Variants in PCCA observed in about 807,000 individuals in gnomAD.
PCCA encodes the protein propionyl-CoA carboxylase alpha chain, mitochondrial.
A neutral mutation model predicts 101.3 loss-of-function variants in PCCA; 74 were observed. That is an observed-to-expected ratio of 0.73 (90% confidence interval 0.61 to 0.89). The LOEUF (loss-of-function observed/expected upper bound fraction) is 0.89, where lower values mean the gene tolerates loss of function less well. Among genes scored for constraint, PCCA ranks in the 40% least tolerant of loss-of-function variants. The pLI is 0.00. For synonymous variants in PCCA, 294 were observed against 313.6 expected, an observed-to-expected ratio of 0.94 and a Z score of 0.66; for missense variants, 891 against 907.0, an observed-to-expected ratio of 0.98 and a Z score of 0.23.
intron 4 of PCCA, among the ~76,000 whole-genome samples, chr13:100,113,580 CTTTT>C (rs142922710): frequency 5.9e-5 from 8 of 134,654 alleles, no homozygotes; most frequent in Admixed American, 7.5e-5. Context: ...TTGACTCTTT[CTTTT>C]TTTTTTTTTT....
rs1164960900 is a variant in PCCA, at chr13:100,273,207, A to T, written c.926A>T (p.Asp309Val). The T allele has an allele frequency of 6.2e-7, 1 of 1,613,068 alleles. No homozygotes were observed. Among genetic ancestry groups the T allele is most frequent in the Non-Finnish European group, 8.5e-7 (1 of 1,179,158 alleles). ...TTTTGTATATGTAGCATTTTTTTGG[A>T]TGCGGAGACTCGAAGAGCGATGGGA... Reference protein sequence around the residue: ...VVEEAPSIFLDAETRRAMGEQ... With the variant: ...VVEEAPSIFLVAETRRAMGEQ... Residue 309 changes from aspartate (D) to valine (V), a missense_variant, in exon 12 of 24, where the codon GAT (aspartate) becomes GTT (valine). Coordinates refer to ENST00000376285, the MANE Select transcript of PCCA (RefSeq NM_000282.4).
chr13:100,441,393 T>A (rs1372425947), intron 20 of PCCA, among the ~76,000 whole-genome samples: 2 of 152,208 alleles, frequency 1.3e-5, no homozygotes, highest in Non-Finnish European at 2.9e-5. Context: ...TTCAGTGACA[T>A]TATTTTTAAA....
At chr13:100,280,436 T>C (rs932113067) in intron 12 of PCCA, among the ~76,000 whole-genome samples, 1 of 152,110 alleles carries the variant, frequency 6.6e-6, no homozygotes, top group Non-Finnish European at 1.5e-5. Flanking sequence ...TTGTGCCTTG[T>C]ATCATGCCAC....
chr13:100,312,333 C>G (rs772903351), intron 16 of PCCA, among the ~76,000 whole-genome samples: 4 of 152,290 alleles, frequency 2.6e-5, no homozygotes, highest in Non-Finnish European at 4.4e-5. Context: ...GTAACTAGTA[C>G]TGCTTTAGGA....
intron 21 of PCCA, among the ~76,000 whole-genome samples, chr13:100,477,716 A>C (rs150106797): frequency 1.3e-5 from 2 of 152,316 alleles, no homozygotes; most frequent in East Asian, 3.9e-4. Context: ...GGAATACTAT[A>C]AACAAATAAA....
Position 100,515,475 on chromosome 13 carries a change from A to T in PCCA, c.1948A>T (p.Met650Leu), listed in dbSNP as rs1210801784. ...TRLAAELNKF[M>L]LEKVTEDTSS... ...ACTTGCCGCAGAATTGAACAAATTTATGCTGGAAAAAGTGACTGAGGACAC... is the reference window on the plus strand; with the variant it reads ...ACTTGCCGCAGAATTGAACAAATTTTTGCTGGAAAAAGTGACTGAGGACAC... Residue 650 changes from methionine to leucine, a missense_variant, in exon 22 of 24, where the codon ATG (methionine) becomes TTG (leucine). Physicochemically the swap from Met to Leu is conservative, Grantham distance 15. Transcript: ENST00000376285. The T allele has an allele frequency of 6.2e-7, 1 of 1,614,114 alleles. No homozygotes were observed. The highest frequency in any genetic ancestry group is 1.7e-5 in the Admixed American group (1 of 60,032).
intron 20 of PCCA, among the ~76,000 whole-genome samples, chr13:100,437,898 G>A (rs2080060714): frequency 6.6e-6 from 1 of 152,042 alleles, no homozygotes; most frequent in Admixed American, 6.6e-5. Flanking sequence ...TTGAACTCCC[G>A]ACTTCAAGTT....
chr13:100,427,354 T>C (rs1221221058), intron 20 of PCCA, among the ~76,000 whole-genome samples: 1 of 152,242 alleles, frequency 6.6e-6, no homozygotes, highest in East Asian at 1.9e-4. Flanking sequence ...CTCTCAGTAG[T>C]CAGAAGAAAG....
chr13:100,500,476 A>C (rs1037588019), intron 21 of PCCA, among the ~76,000 whole-genome samples: 3 of 152,194 alleles, frequency 2.0e-5, no homozygotes, highest in Non-Finnish European at 2.9e-5. Flanking sequence ...TAGCTTCCCC[A>C]TAGTTTTTAA....
chr13:100,370,504 G>T (rs2075510250), intron 19 of PCCA, among the ~76,000 whole-genome samples: 1 of 151,918 alleles, frequency 6.6e-6, no homozygotes, highest in African/African-American at 2.4e-5. Context: ...AGGAAAACAG[G>T]GCTGTTTTTA....
At chr13:100,221,565 T>G (rs2059808709) in intron 7 of PCCA, among the ~76,000 whole-genome samples, 1 of 152,210 alleles carries the variant, frequency 6.6e-6, no homozygotes, top group South Asian at 2.1e-4. Flanking sequence ...TTTCAGTTTT[T>G]TTCCTTGTAT....
At chr13:100,509,159 TAC>T (rs34886548) in intron 21 of PCCA, among the ~76,000 whole-genome samples, 29,687 of 152,140 alleles carry the variant, frequency 0.2, 3,772 homozygotes, top group South Asian at 0.45. Flanking sequence ...CGCTGAAAGA[TAC>T]AGTGTTTCTC....
chr13:100,188,006 G>T (rs2057434224), intron 6 of PCCA, among the ~76,000 whole-genome samples: 1 of 152,090 alleles, frequency 6.6e-6, no homozygotes, highest in South Asian at 2.1e-4. Flanking sequence ...ACGATGTTTG[G>T]TTTTCCATTC....
chr13:100,305,676 G>C (rs2066387143), intron 14 of PCCA: 1 of 264,810 alleles, frequency 3.8e-6, no homozygotes, highest in South Asian at 4.2e-5. Flanking sequence ...TTGCCATTTT[G>C]GGGCTCTTTA....
intron 16 of PCCA, among the ~76,000 whole-genome samples, chr13:100,320,898 T>C (rs1228845570): frequency 6.6e-6 from 1 of 152,138 alleles, no homozygotes; most frequent in East Asian, 1.9e-4. Context: ...ACTACAGATG[T>C]GCCACCCTAC....
chr13:100,417,999 C>T (rs1664135387), intron 19 of PCCA, among the ~76,000 whole-genome samples: 2 of 152,116 alleles, frequency 1.3e-5, no homozygotes, highest in South Asian at 2.1e-4. Context: ...TCCCTGTATC[C>T]CTCTCCCTGC....
chr13:100,248,313 G>A (rs1278783202), intron 8 of PCCA, among the ~76,000 whole-genome samples: 2 of 151,860 alleles, frequency 1.3e-5, no homozygotes, highest in Non-Finnish European at 2.9e-5. Flanking sequence ...TAAAAAAAAT[G>A]TCTCTTGTTC....
At position 100,302,989 on chromosome 13, in the gene PCCA, TC is replaced by T. The variant is rs1343757031; in HGVS notation, c.1276del (p.Leu426TyrfsTer23). 6.4e-7 allele frequency: 1 copy of T among 1,574,462 alleles called. No individual in the cohort carries two copies. The highest frequency in any genetic ancestry group is 2.2e-5 in the East Asian group (1 of 44,648). ...RLSQYQEPLH[L>X]PGVRVDSGIQ... ...TGTCTCAGTACCAAGAACCGTTACA[TC>T]TACCTGGTGTAAGTCATTAAGCTGT... is the stretch of plus-strand genomic sequence containing the variant. On this transcript the variant is annotated frameshift_variant, in exon 14 of 24. Coordinates refer to ENST00000376285, the MANE Select transcript of PCCA (RefSeq NM_000282.4). LOFTEE classifies it high-confidence loss of function.
At chr13:100,323,108 G>C (rs2068240744) in intron 16 of PCCA, among the ~76,000 whole-genome samples, 1 of 152,238 alleles carries the variant, frequency 6.6e-6, no homozygotes, top group Non-Finnish European at 1.5e-5. Context: ...CAAGGTTTCT[G>C]TTACAACTGC....
Sources: gnomAD v4.1 joint callset for allele counts (sites outside exome capture counted in the v4.1 genomes callset) on GRCh38, gnomAD v4.1.1 for gene constraint, MANE v1.5 for transcripts, NCBI Gene and HGNC (gene_info 2026-07-23, HGNC 2026-07-21) for gene names.